Variants in TNFRSF11B observed in about 807,000 individuals in gnomAD.
TNFRSF11B encodes the protein tumor necrosis factor receptor superfamily member 11B.
A neutral mutation model predicts 43.4 loss-of-function variants in TNFRSF11B; 16 were observed. That is an observed-to-expected ratio of 0.37 (90% CI 0.25 to 0.56). The LOEUF is 0.56. TNFRSF11B is among the 20% of genes least tolerant of loss of function. The pLI is 0.80. For synonymous variants in TNFRSF11B, 185 were observed against 181.8 expected, an observed-to-expected ratio of 1.02 and a Z score of -0.14; for missense variants, 444 against 490.1, an observed-to-expected ratio of 0.91 and a Z score of 0.89.
Position 118,924,506 on chromosome 8 carries a change from G to A in TNFRSF11B, c.1074C>T (p.Pro358=). 3 of 1,614,012 alleles carry A rather than the reference G, an allele frequency of 1.9e-6. No individual in the cohort carries two copies. The highest frequency in any genetic ancestry group is 2.5e-6 in the Non-Finnish European group (3 of 1,179,918). The change falls in exon 5 of 5, where the codon CCC becomes CCT. Residue 358 remains proline, a synonymous_variant. Transcript: ENST00000297350. ...TCTTTAGACTCTGAGTGACAGTTTTGGGAAAGTGGTACGTCTTTGAGTGCT... is the reference window on the plus strand; with the variant it reads ...TCTTTAGACTCTGAGTGACAGTTTTAGGAAAGTGGTACGTCTTTGAGTGCT... ...ALKHSKTYHF[P]KTVTQSLKKT...
chr8:118,938,648 T>C (rs1812436179), intron 1 of TNFRSF11B, among the ~76,000 whole-genome samples: 1 of 152,148 alleles, frequency 6.6e-6, no homozygotes, highest in African/African-American at 2.4e-5. Context: ...AGATCACCAG[T>C]GTTAGGAGAT....
intron 1 of TNFRSF11B, 28 bp downstream of exon 1, chr8:118,951,764 G>A: frequency 6.3e-7 from 1 of 1,577,918 alleles, no homozygotes; most frequent in East Asian, 2.3e-5. Flanking sequence ...CAGGCGCCGG[G>A]CACCCGTCGG....
At chr8:118,949,783 C>T (rs1464197805) in intron 1 of TNFRSF11B, among the ~76,000 whole-genome samples, 1 of 152,180 alleles carries the variant, frequency 6.6e-6, no homozygotes, top group African/African-American at 2.4e-5. Flanking sequence ...GTCCTGATGC[C>T]TAGTGCCAGT....
At position 118,924,470 on chromosome 8, in the gene TNFRSF11B, C is replaced by T; in HGVS notation, c.1110G>A (p.Arg370=). 1 of 1,613,978 alleles carries T rather than the reference C, an allele frequency of 6.2e-7. No homozygotes were observed. Residue 370 remains arginine, a synonymous_variant, in exon 5 of 5, where the codon AGG becomes AGA. Coordinates refer to ENST00000297350, the MANE Select transcript of TNFRSF11B (RefSeq NM_002546.4). ...TVTQSLKKTI[R]FLHSFTMYKL... The stretch of plus-strand genomic sequence containing the variant: ...TGTACATTGTGAAGCTGTGAAGGAA[C>T]CTGATGGTCTTCTTTAGACTCTGAG...
Position 118,951,778 on chromosome 8 carries a change from G to T in TNFRSF11B, c.30+14C>A. The T allele has an allele frequency of 6.3e-7, 1 of 1,587,066 alleles. No individual in the cohort carries two copies. The highest frequency in any genetic ancestry group is 8.6e-7 in the Non-Finnish European group (1 of 1,166,840). ...CCAGGCGCCGGGCACCCGTCGGCTG[G>T]CCCAGGGACTTACCACGAGCGCGCA... is the stretch of plus-strand genomic sequence containing the variant. On this transcript the variant is annotated intron_variant, in intron 1 of 4. Coordinates refer to ENST00000297350, the MANE Select transcript of TNFRSF11B (RefSeq NM_002546.4).
At chr8:118,924,899 G>T in intron 4 of TNFRSF11B, 137 bp from the exon 5 acceptor site, 1 of 1,028,398 alleles carries the variant, frequency 9.7e-7, no homozygotes, top group Non-Finnish European at 1.4e-6. Flanking sequence ...TTTTGAGAGG[G>T]AGTTAAGTGA....
intron 1 of TNFRSF11B, among the ~76,000 whole-genome samples, chr8:118,938,539 T>C (rs1385343316): frequency 6.6e-6 from 1 of 152,170 alleles, no homozygotes; most frequent in Non-Finnish European, 1.5e-5. Flanking sequence ...CTTTAACATT[T>C]ACCAAATGCT....
At chr8:118,951,578 C>A (rs1353735379) in intron 1 of TNFRSF11B, among the ~76,000 whole-genome samples, 1 of 152,140 alleles carries the variant, frequency 6.6e-6, no homozygotes, top group Non-Finnish European at 1.5e-5. Flanking sequence ...TGCTGTCTTC[C>A]ATAAAGTCAG....
chr8:118,933,890 C>T (rs1812365771), intron 1 of TNFRSF11B, among the ~76,000 whole-genome samples: 1 of 152,116 alleles, frequency 6.6e-6, no homozygotes, highest in Non-Finnish European at 1.5e-5. Flanking sequence ...GTTCTGGGCA[C>T]TTGGGATACA....
At chr8:118,945,813 C>T (rs1187107491) in intron 1 of TNFRSF11B, among the ~76,000 whole-genome samples, 1 of 152,086 alleles carries the variant, frequency 6.6e-6, no homozygotes, top group Non-Finnish European at 1.5e-5. Context: ...AGCCACAAAG[C>T]TTAGATGAGT....
intron 1 of TNFRSF11B, among the ~76,000 whole-genome samples, 172 bp from the exon 2 acceptor site, chr8:118,933,472 A>G (rs1183358559): frequency 6.6e-6 from 1 of 152,190 alleles, no homozygotes; most frequent in Non-Finnish European, 1.5e-5. Context: ...AATCTCAAAG[A>G]CCAGGAATGC....
At chr8:118,926,821 C>T in intron 3 of TNFRSF11B, 103 bp from the exon 4 acceptor site, 1 of 1,168,296 alleles carries the variant, frequency 8.6e-7, no homozygotes, top group South Asian at 1.3e-5. Flanking sequence ...TTGAATTTTC[C>T]AAGATAAAAT....
intron 1 of TNFRSF11B, 94 bp from the exon 2 acceptor site, chr8:118,933,394 T>TA: frequency 6.4e-7 from 1 of 1,566,240 alleles, no homozygotes; most frequent in Non-Finnish European, 8.7e-7. Context: ...AGTCCTGTAT[T>TA]ACCTTAAGCC....
chr8:118,926,821 C>A, intron 3 of TNFRSF11B, 103 bp from the exon 4 acceptor site: 1 of 1,168,296 alleles, frequency 8.6e-7, no homozygotes, highest in Non-Finnish European at 1.2e-6. Context: ...TTGAATTTTC[C>A]AAGATAAAAT....
intron 3 of TNFRSF11B, among the ~76,000 whole-genome samples, chr8:118,927,427 T>G (rs1356280338): frequency 6.6e-6 from 1 of 152,128 alleles, no homozygotes; most frequent in Non-Finnish European, 1.5e-5. Context: ...TTTATAAATG[T>G]TAAAGCCTCT....
At chr8:118,944,496 TC>T (rs1354885231) in intron 1 of TNFRSF11B, among the ~76,000 whole-genome samples, 1 of 152,110 alleles carries the variant, frequency 6.6e-6, no homozygotes, top group Non-Finnish European at 1.5e-5. Context: ...CCACCAAGCT[TC>T]TGGAAGGCAG....
intron 1 of TNFRSF11B, among the ~76,000 whole-genome samples, chr8:118,939,401 C>T (rs1320654534): frequency 6.6e-6 from 1 of 152,092 alleles, no homozygotes; most frequent in Non-Finnish European, 1.5e-5. Context: ...TCACAGATCA[C>T]TGCAAAACAA....
Position 118,932,987 on chromosome 8 carries a change from A to G in TNFRSF11B, c.344T>C (p.Ile115Thr). The stretch of plus-strand genomic sequence containing the variant: ...GCTCCTATGTTTCAAGCAGAACTCT[A>G]TCTCAAGGTAGCGCCCTTCCTTGCA... Reference protein sequence around the residue: ...CECKEGRYLEIEFCLKHRSCP... With the variant: ...CECKEGRYLETEFCLKHRSCP... The change falls in exon 2 of 5, where the codon ATA (isoleucine) becomes ACA (threonine). Residue 115 changes from isoleucine to threonine, a missense_variant. By Grantham distance (89) the Ile-to-Thr change is moderately conservative. Coordinates refer to ENST00000297350, the MANE Select transcript of TNFRSF11B (RefSeq NM_002546.4). 6.2e-7 allele frequency: 1 copy of G among 1,614,152 alleles called. No individual in the cohort carries two copies. Among genetic ancestry groups the G allele is most frequent in the South Asian group, 1.1e-5 (1 of 91,084 alleles).
rs1018837640 is a variant in TNFRSF11B, at chr8:118,932,855, A to T, written c.400+76T>A. 3 of 1,588,360 alleles carry T rather than the reference A, an allele frequency of 1.9e-6. No individual in the cohort carries two copies. In the African/African-American group the frequency reaches 4.0e-5, roughly 21 times the overall value. On this transcript the variant is annotated intron_variant, in intron 2 of 4. Coordinates refer to ENST00000297350, the MANE Select transcript of TNFRSF11B (RefSeq NM_002546.4). ...GCTATCCTATAATGTCATCAGAACA[A>T]AAGTGTTCTCCTAAACTGTCACAAC...
Sources: gnomAD v4.1 joint callset for allele counts (sites outside exome capture counted in the v4.1 genomes callset) on GRCh38, gnomAD v4.1.1 for gene constraint, MANE v1.5 for transcripts, NCBI Gene and HGNC (gene_info 2026-07-23, HGNC 2026-07-21) for gene names.